The following CEP128 variants were observed in gnomAD, a reference collection of about 807,000 sequenced individuals.
CEP128 encodes centrosomal protein 128.
Under a neutral mutation model 156.7 loss-of-function variants are expected in CEP128, and 132 were observed. The observed-to-expected ratio is 0.84, with a 90% CI of 0.73 to 0.97. The LOEUF (loss-of-function observed/expected upper bound fraction) is 0.97. CEP128 is among the 50% of genes least tolerant of loss of function. The pLI is 0.00. For missense variants in CEP128, 1,252 were observed against 1,281.9 expected (o/e 0.98, Z 0.36); for synonymous variants, 469 against 448.9 (o/e 1.04, Z -0.57).
At chr14:80,544,656 A>G (rs1297681570) in intron 21 of CEP128, among the ~76,000 whole-genome samples, 1 of 152,204 alleles carries the variant, frequency 6.6e-6, no homozygotes, top group Non-Finnish European at 1.5e-5. Context: ...TAAAAAATGA[A>G]GTATTATGTA....
At chr14:80,498,670 G>A (rs937559498) in intron 24 of CEP128, among the ~76,000 whole-genome samples, 4 of 152,160 alleles carry the variant, frequency 2.6e-5, no homozygotes, top group Non-Finnish European at 5.9e-5. Context: ...CAATCTAAAG[G>A]AGTGCTCCTG....
chr14:80,676,048 C>A (rs1044104547), intron 19 of CEP128, among the ~76,000 whole-genome samples: 3 of 152,072 alleles, frequency 2.0e-5, no homozygotes, highest in Non-Finnish European at 4.4e-5. Flanking sequence ...TCTACACATT[C>A]CTAAATATTT....
intron 18 of CEP128, among the ~76,000 whole-genome samples, chr14:80,748,189 A>G (rs557910047): frequency 4.4e-4 from 67 of 152,250 alleles, no homozygotes; most frequent in Admixed American, 7.8e-4. Context: ...TGCAAATTAA[A>G]TTGGGCTGTG....
At chr14:80,485,550 T>C (rs1401655054), downstream of CEP128, among the ~76,000 whole-genome samples, 2 of 151,598 alleles carry the variant, frequency 1.3e-5, no homozygotes, top group Non-Finnish European at 1.5e-5. Flanking sequence ...CTGAAACATA[T>C]AGGTCTAGCT....
intron 16 of CEP128, among the ~76,000 whole-genome samples, chr14:80,771,941 C>T (rs1453063170): frequency 1.3e-5 from 2 of 152,198 alleles, no homozygotes; most frequent in Admixed American, 1.3e-4. Flanking sequence ...ACTCTTTGGG[C>T]CAGAACCTCA....
At chr14:80,946,120 G>A (rs1886334063), upstream of CEP128, among the ~76,000 whole-genome samples, 1 of 151,958 alleles carries the variant, frequency 6.6e-6, no homozygotes, top group Non-Finnish European at 1.5e-5. Context: ...GGTGTTTGGG[G>A]GATAAAATAA....
At position 80,905,979 on chromosome 14, in the gene CEP128, C is replaced by A; in HGVS notation, c.337G>T (p.Asp113Tyr). ...SISVTSLSAS[D>Y]LDGGTGSELH... ...CCTGACCCAGTGCCACCATCAAGGT[C>A]ACTTGCACTCAAACTTGTAACAGAA... Residue 113 changes from aspartate (D) to tyrosine (Y), a missense_variant, in exon 5 of 25, where the codon GAC becomes TAC. By Grantham distance (160) the Asp-to-Tyr change is radical. Transcript: ENST00000555265. 1 of 1,613,250 alleles carries A rather than the reference C, an allele frequency of 6.2e-7. No homozygotes were observed. The highest frequency in any genetic ancestry group is 8.5e-7 in the Non-Finnish European group (1 of 1,179,622).
At chr14:80,832,654 G>C (rs1885868423) in intron 12 of CEP128, among the ~76,000 whole-genome samples, 1 of 152,186 alleles carries the variant, frequency 6.6e-6, no homozygotes, top group Non-Finnish European at 1.5e-5. Context: ...CAGACTTAAA[G>C]AATGAATACA....
At chr14:80,689,744 T>G (rs906778957) in intron 19 of CEP128, among the ~76,000 whole-genome samples, 1 of 152,202 alleles carries the variant, frequency 6.6e-6, no homozygotes, top group Non-Finnish European at 1.5e-5. Flanking sequence ...TATAACAGGC[T>G]TATTACATTA....
chr14:80,573,669 G>A (rs1891239821), intron 20 of CEP128, among the ~76,000 whole-genome samples: 1 of 152,098 alleles, frequency 6.6e-6, no homozygotes, highest in Non-Finnish European at 1.5e-5. Context: ...GCTCTCATGA[G>A]GTCTCTTGAT....
chr14:80,948,791 CAT>C (rs1262055351), intron 2 of CEP128, among the ~76,000 whole-genome samples: 1 of 152,168 alleles, frequency 6.6e-6, no homozygotes, highest in African/African-American at 2.4e-5. Flanking sequence ...CATCTTATCT[CAT>C]GTGTTTATTT....
downstream of CEP128, among the ~76,000 whole-genome samples, chr14:80,488,326 T>C (rs1594901600): frequency 1.4e-5 from 2 of 144,608 alleles, no homozygotes; most frequent in African/African-American, 2.5e-5. Context: ...GGGTGAAGGA[T>C]ATGAACAGAC....
chr14:80,755,536 T>C (rs1187507790), intron 18 of CEP128, among the ~76,000 whole-genome samples: 6 of 152,180 alleles, frequency 3.9e-5, no homozygotes. Flanking sequence ...CCAATCCTTG[T>C]TTTCTAGAAT....
At chr14:80,857,323 A>G (rs1887237208) in intron 9 of CEP128, among the ~76,000 whole-genome samples, 1 of 151,666 alleles carries the variant, frequency 6.6e-6, no homozygotes. Flanking sequence ...TAAACTAACC[A>G]AAGTTATGAT....
In CEP128 at chr14:80,756,927, G is replaced by A. The variant is rs762077762; in HGVS notation, c.2578C>T (p.His860Tyr). ...GCTAACCAGCGATGTGGGTCATAAT[G>A]TATATCAGGACCAGATGAAAAAACC... is the stretch of plus-strand genomic sequence containing the variant. Reference protein sequence around the residue: ...LKVFSSGPDIHYDPHRWLAES... With the variant: ...LKVFSSGPDIYYDPHRWLAES... Residue 860 changes from histidine (H) to tyrosine (Y), a missense_variant, in exon 18 of 25, where the codon CAT (histidine) becomes TAT (tyrosine). By Grantham distance (83) the His-to-Tyr change is moderately conservative. Transcript: ENST00000555265. The A allele has an allele frequency of 1.2e-5, 19 of 1,600,616 alleles. No homozygotes were observed. The highest frequency in any genetic ancestry group is 1.6e-5 in the Non-Finnish European group (19 of 1,169,450).
intron 19 of CEP128, among the ~76,000 whole-genome samples, chr14:80,719,166 CA>C (rs1374425454): frequency 1.3e-5 from 2 of 152,198 alleles, no homozygotes. Context: ...GCTACCACCC[CA>C]TTCCATGGCA....
At chr14:80,575,442 A>G (rs943843942) in intron 20 of CEP128, among the ~76,000 whole-genome samples, 2 of 152,140 alleles carry the variant, frequency 1.3e-5, no homozygotes, top group African/African-American at 4.8e-5. Context: ...CCAAAGACAT[A>G]ATACTACTTT....
intron 21 of CEP128, among the ~76,000 whole-genome samples, chr14:80,532,592 T>C (rs1405180483): frequency 6.6e-6 from 1 of 152,162 alleles, no homozygotes; most frequent in African/African-American, 2.4e-5. Context: ...ACACTTTCAA[T>C]GTACCCATCC....
chr14:80,718,662 A>G (rs367557862), intron 19 of CEP128, among the ~76,000 whole-genome samples: 109 of 152,304 alleles, frequency 7.2e-4, no homozygotes, highest in African/African-American at 2.3e-3. Context: ...AATTTATCAC[A>G]GGAAAACAAA....
Sources: allele counts gnomAD v4.1 joint callset (sites outside exome capture counted in the v4.1 genomes callset), GRCh38; gene constraint gnomAD v4.1.1; transcripts MANE v1.5; gene names NCBI Gene and HGNC (gene_info 2026-07-23, HGNC 2026-07-21).